The following PTPRD variants were observed in gnomAD, a reference collection of about 807,000 sequenced individuals.
PTPRD encodes the protein protein tyrosine phosphatase receptor type D, also known as receptor-type tyrosine-protein phosphatase delta.
A neutral mutation model predicts 214.5 loss-of-function variants in PTPRD; 34 were observed. That is an observed-to-expected ratio of 0.16 (90% CI 0.12 to 0.21). The LOEUF (loss-of-function observed/expected upper bound fraction) is 0.21, where lower values mean the gene tolerates loss of function less well. Ranked by LOEUF, PTPRD falls within the 10% of genes least tolerant of loss-of-function variation. The pLI, the probability that PTPRD is intolerant of heterozygous loss-of-function variation, is 1.00. For missense variants in PTPRD, 2,545 were observed against 2,398.7 expected, an observed-to-expected ratio of 1.06 and a Z score of -1.27; for synonymous variants, 1,128 against 845.7, an observed-to-expected ratio of 1.33 and a Z score of -5.79.
intron 5 of PTPRD, among the ~76,000 whole-genome samples, chr9:9,932,955 G>T (rs1349278594): frequency 6.7e-6 from 1 of 148,650 alleles, no homozygotes; most frequent in African/African-American, 2.5e-5. Context: ...TTTCAACCCA[G>T]AATTTCATAT....
At chr9:10,024,292 G>C (rs1278604956) in intron 4 of PTPRD, among the ~76,000 whole-genome samples, 1 of 152,060 alleles carries the variant, frequency 6.6e-6, no homozygotes, top group Non-Finnish European at 1.5e-5. Context: ...ATAAATTCTA[G>C]CTGCTTCTGA....
At chr9:10,589,458 T>C (rs1406495761) in intron 2 of PTPRD, among the ~76,000 whole-genome samples, 9 of 152,170 alleles carry the variant, frequency 5.9e-5, no homozygotes, top group Non-Finnish European at 1.3e-4. Flanking sequence ...AAGGAGCTTA[T>C]AAGTAAAACT....
chr9:9,143,089 C>T (rs952530669), intron 10 of PTPRD, among the ~76,000 whole-genome samples: 1 of 152,190 alleles, frequency 6.6e-6, no homozygotes, highest in African/African-American at 2.4e-5. Context: ...TAACATTTCA[C>T]TACCACTTGG....
At chr9:8,393,158 T>C (rs919309139) in intron 36 of PTPRD, among the ~76,000 whole-genome samples, 3 of 152,154 alleles carry the variant, frequency 2.0e-5, no homozygotes, top group African/African-American at 7.2e-5. Context: ...CTCTAAGTAG[T>C]GCATATTTAT....
intron 3 of PTPRD, among the ~76,000 whole-genome samples, chr9:10,034,776 G>A (rs774935513): frequency 6.6e-6 from 1 of 152,062 alleles, no homozygotes; most frequent in Non-Finnish European, 1.5e-5. Context: ...TTTTATGGCT[G>A]CATAGTATTC....
intron 8 of PTPRD, among the ~76,000 whole-genome samples, chr9:9,400,053 T>TCCACA (rs201879101): frequency 0.021 from 3,210 of 151,642 alleles, 60 homozygotes; most frequent in Non-Finnish European, 0.032. Flanking sequence ...ATTTTGACTT[T>TCCACA]CTTTAAAAAA....
chr9:10,445,720 A>G (rs1426000128), intron 2 of PTPRD, among the ~76,000 whole-genome samples: 4 of 152,056 alleles, frequency 2.6e-5, no homozygotes, highest in African/African-American at 7.2e-5. Flanking sequence ...AAGCACTAAC[A>G]AGAAAGTAAA....
chr9:10,096,695 T>C (rs2098490423), intron 3 of PTPRD, among the ~76,000 whole-genome samples: 1 of 152,112 alleles, frequency 6.6e-6, no homozygotes, highest in South Asian at 2.1e-4. Flanking sequence ...AGGTTGCCTG[T>C]TCACTCTGAT....
At chr9:10,100,393 G>C (rs1362484422) in intron 3 of PTPRD, among the ~76,000 whole-genome samples, 2 of 151,636 alleles carry the variant, frequency 1.3e-5, no homozygotes, top group African/African-American at 4.8e-5. Context: ...AAGCAGTCTA[G>C]TTGCAAAGCC....
At chr9:10,300,199 A>G (rs1300889931) in intron 3 of PTPRD, among the ~76,000 whole-genome samples, 2 of 152,168 alleles carry the variant, frequency 1.3e-5, no homozygotes, top group Admixed American at 6.6e-5. Context: ...TTTATAGTTA[A>G]AATTCTAATG....
chr9:8,614,223 T>A (rs778053693), intron 14 of PTPRD, among the ~76,000 whole-genome samples: 14 of 152,162 alleles, frequency 9.2e-5, no homozygotes, highest in Non-Finnish European at 1.6e-4. Context: ...TTGCTAAAGT[T>A]TATTTGTAAC....
chr9:8,332,019 T>C (rs901767669), intron 43 of PTPRD, among the ~76,000 whole-genome samples: 5 of 152,126 alleles, frequency 3.3e-5, no homozygotes, highest in Admixed American at 2.6e-4. Context: ...GCCATCCACA[T>C]AGTTCCCCCA....
intron 11 of PTPRD, among the ~76,000 whole-genome samples, chr9:8,998,825 G>C (rs1043077333): frequency 1.3e-5 from 2 of 152,004 alleles, no homozygotes; most frequent in African/African-American, 4.8e-5. Context: ...AACATTAATA[G>C]TTTGAAAGTT....
At chr9:9,517,482 G>A (rs1239140677) in intron 8 of PTPRD, among the ~76,000 whole-genome samples, 2 of 151,972 alleles carry the variant, frequency 1.3e-5, no homozygotes, top group Admixed American at 1.3e-4. Flanking sequence ...TAACACAACT[G>A]TTCACTTTCA....
intron 2 of PTPRD, among the ~76,000 whole-genome samples, chr9:10,558,041 C>T (rs912392993): frequency 6.6e-6 from 1 of 152,108 alleles, no homozygotes; most frequent in African/African-American, 2.4e-5. Flanking sequence ...TCATTTCATA[C>T]TGGACTCATA....
intron 3 of PTPRD, among the ~76,000 whole-genome samples, chr9:10,062,482 T>C (rs1157183582): frequency 6.6e-6 from 1 of 152,040 alleles, no homozygotes; most frequent in Non-Finnish European, 1.5e-5. Flanking sequence ...GGCAGCAGCC[T>C]GTAATCACAG....
intron 14 of PTPRD, among the ~76,000 whole-genome samples, chr9:8,600,783 T>G (rs1441968088): frequency 1.3e-5 from 2 of 151,962 alleles, no homozygotes; most frequent in African/African-American, 4.8e-5. Context: ...ACCACAGGCC[T>G]TGGGTAAGTC....
intron 5 of PTPRD, among the ~76,000 whole-genome samples, chr9:9,769,383 T>G (rs925459464): frequency 1.6e-5 from 2 of 128,436 alleles, no homozygotes; most frequent in Admixed American, 2.0e-4. Flanking sequence ...TGGAGTGCAG[T>G]GGTGCAATCT....
chr9:10,313,021 C>A (rs2096311141), intron 3 of PTPRD, among the ~76,000 whole-genome samples: 1 of 151,898 alleles, frequency 6.6e-6, no homozygotes, highest in South Asian at 2.1e-4. Flanking sequence ...CCAGACACAA[C>A]CTTGATTATC....
Sources: allele counts gnomAD v4.1 joint callset (sites outside exome capture counted in the v4.1 genomes callset), GRCh38; gene constraint gnomAD v4.1.1; transcripts MANE v1.5; gene names NCBI Gene and HGNC (gene_info 2026-07-23, HGNC 2026-07-21).